GNA12: variants seen among roughly 807,000 people sequenced by gnomAD.
The protein encoded by GNA12 is G protein subunit alpha 12.
A neutral mutation model predicts 26.0 loss-of-function variants in GNA12; 9 were observed. The observed-to-expected ratio is 0.35, with a 90% CI of 0.21 to 0.60. The LOEUF (loss-of-function observed/expected upper bound fraction) is 0.60, where lower values mean the gene tolerates loss of function less well. Among genes scored for constraint, GNA12 ranks in the 20% least tolerant of loss-of-function variants. The pLI, the probability that GNA12 is intolerant of heterozygous loss-of-function variation, is 0.78. For missense variants in GNA12, 405 were observed against 525.8 expected (o/e 0.77, Z 2.25); for synonymous variants, 264 against 219.6 (o/e 1.20, Z -1.79).
At chr7:2,820,562 A>C (rs188189499) in intron 1 of GNA12, among the ~76,000 whole-genome samples, 4 of 152,132 alleles carry the variant, frequency 2.6e-5, no homozygotes, top group African/African-American at 9.7e-5. Flanking sequence ...AAAAAGCTAA[A>C]AAATTGAAAA....
chr7:2,829,845 T>G (rs1033620027), intron 1 of GNA12, among the ~76,000 whole-genome samples: 1 of 152,214 alleles, frequency 6.6e-6, no homozygotes, highest in South Asian at 2.1e-4. Context: ...TGTTTCTACC[T>G]GGTTTGTCTT....
chr7:2,766,831 T>C (rs1791818202), intron 2 of GNA12, among the ~76,000 whole-genome samples: 1 of 152,262 alleles, frequency 6.6e-6, no homozygotes, highest in Non-Finnish European at 1.5e-5. Context: ...ACTATATGGC[T>C]GTGCCATTTT....
intron 1 of GNA12, among the ~76,000 whole-genome samples, chr7:2,842,100 A>AG (rs879694805): frequency 6.8e-6 from 1 of 146,746 alleles, no homozygotes; most frequent in Non-Finnish European, 1.5e-5. Context: ...AAAGGAAGGA[A>AG]AGGAAGGAAG....
intron 2 of GNA12, among the ~76,000 whole-genome samples, chr7:2,768,206 A>G (rs886391474): frequency 3.9e-5 from 6 of 152,224 alleles, no homozygotes; most frequent in African/African-American, 1.4e-4. Flanking sequence ...CTTTGCTACT[A>G]AACAAGTCCA....
intron 1 of GNA12, among the ~76,000 whole-genome samples, chr7:2,817,211 T>C (rs1410993698): frequency 6.6e-6 from 1 of 152,240 alleles, no homozygotes. Context: ...GTTCAAGCGA[T>C]TCTCCTGTCT....
intron 2 of GNA12, among the ~76,000 whole-genome samples, chr7:2,753,971 C>T (rs1375920630): frequency 1.3e-5 from 2 of 152,112 alleles, no homozygotes; most frequent in African/African-American, 2.4e-5. Context: ...ATCTTAGGTG[C>T]TTTGTTCACT....
chr7:2,742,515 C>A (rs970430842), intron 2 of GNA12, among the ~76,000 whole-genome samples: 1 of 152,186 alleles, frequency 6.6e-6, no homozygotes, highest in African/African-American at 2.4e-5. Flanking sequence ...GACTCACAGA[C>A]GCTGTCATTT....
intron 2 of GNA12, among the ~76,000 whole-genome samples, chr7:2,753,154 C>CAT (rs1168306599): frequency 6.8e-6 from 1 of 147,180 alleles, no homozygotes; most frequent in East Asian, 2.0e-4. Flanking sequence ...CAGCATGCGG[C>CAT]TTTTTTTTTT....
intron 1 of GNA12, among the ~76,000 whole-genome samples, chr7:2,810,839 C>T (rs549580453): frequency 5.3e-5 from 8 of 151,642 alleles, no homozygotes; most frequent in South Asian, 2.1e-4. Context: ...CAAAGGTTGC[C>T]GTGAGCCATG....
chr7:2,791,116 TA>T (rs995459966), intron 2 of GNA12, among the ~76,000 whole-genome samples: 9 of 152,252 alleles, frequency 5.9e-5, no homozygotes, highest in African/African-American at 2.2e-4. Context: ...TTAAAAATGC[TA>T]AATTTTATTT....
intron 2 of GNA12, among the ~76,000 whole-genome samples, chr7:2,793,646 G>A (rs1214432840): frequency 6.6e-6 from 1 of 152,100 alleles, no homozygotes; most frequent in African/African-American, 2.4e-5. Flanking sequence ...ACTTTGGGAG[G>A]CCGAGGCGGG....
At chr7:2,816,416 G>C in intron 1 of GNA12, among the ~76,000 whole-genome samples, 1 of 152,086 alleles carries the variant, frequency 6.6e-6, no homozygotes. Flanking sequence ...TTTTTTAGTA[G>C]AGATGGGTTT....
chr7:2,751,053 T>C (rs944468845), intron 2 of GNA12, among the ~76,000 whole-genome samples: 1 of 152,168 alleles, frequency 6.6e-6, no homozygotes, highest in African/African-American at 2.4e-5. Flanking sequence ...TCTTGAGATG[T>C]TGCCACTACA....
Position 2,739,065 on chromosome 7 carries a change from C to T in GNA12, c.526-5564G>A, listed in dbSNP as rs143329128. 3.6e-3 allele frequency among the ~76,000 whole-genome samples: 554 copies of T among 152,304 alleles called. 2 individuals are homozygous for T. Among genetic ancestry groups the T allele is most frequent in the African/African-American group, 0.012 (514 of 41,560 alleles). ...CCTCTACAACTGTAAGCTCAGGCTC[C>T]GCAGGGTGTGTCCTCGGCGTGTGCA... On this transcript the variant is annotated intron_variant, in intron 2 of 3. Transcript: ENST00000275364.
chr7:2,756,124 G>C lies in GNA12; in HGVS notation c.526-22623C>G, dbSNP rs925572537. On this transcript the variant is annotated intron_variant, in intron 2 of 3. Transcript: ENST00000275364. ...TAATATGGATCAACCGAATAGAAAT[G>C]AGAGTGCAGAAACAGGCCCCCACAT... Among the ~76,000 whole-genome samples, 13 of 152,308 alleles carry C rather than the reference G, an allele frequency of 8.5e-5. No individual in the cohort carries two copies. In the East Asian group the frequency reaches 1.9e-3, roughly 23 times the overall value.
At chr7:2,814,183 G>A (rs1158180523) in intron 1 of GNA12, 6 of 642,734 alleles carry the variant, frequency 9.3e-6, no homozygotes, top group Admixed American at 5.2e-5. Flanking sequence ...CCAGAATCAC[G>A]TGAGTGAAAT....
At chr7:2,772,786 G>C (rs1422880219) in intron 2 of GNA12, among the ~76,000 whole-genome samples, 1 of 152,060 alleles carries the variant, frequency 6.6e-6, no homozygotes, top group African/African-American at 2.4e-5. Flanking sequence ...CCCACTCCTA[G>C]GTATATTTCC....
intron 2 of GNA12, among the ~76,000 whole-genome samples, chr7:2,756,341 C>T (rs1465366805): frequency 6.6e-6 from 1 of 152,144 alleles, no homozygotes. Flanking sequence ...CAAACTGGAT[C>T]ACTAAAACTA....
chr7:2,765,154 T>A (rs1475482628), intron 2 of GNA12: 2 of 151,860 alleles, frequency 1.3e-5, no homozygotes, highest in Non-Finnish European at 2.9e-5. Flanking sequence ...GGCTGACTTT[T>A]TTTTTTTTTT....
Sources: allele counts gnomAD v4.1 joint callset (sites outside exome capture counted in the v4.1 genomes callset), GRCh38; gene constraint gnomAD v4.1.1; transcripts MANE v1.5; gene names NCBI Gene and HGNC (gene_info 2026-07-23, HGNC 2026-07-21).